The following ATRNL1 variants were observed in gnomAD, a reference collection of about 807,000 sequenced individuals.
The protein encoded by ATRNL1 is attractin like 1.
A neutral mutation model predicts 182.7 loss-of-function variants in ATRNL1; 95 were observed. The observed-to-expected ratio is 0.52, with a 90% CI of 0.44 to 0.62. ATRNL1 has a LOEUF of 0.62. Among genes scored for constraint, ATRNL1 ranks in the 20% least tolerant of loss-of-function variants. ATRNL1 has a pLI of 0.00. For missense variants in ATRNL1, 1,471 were observed against 1,679.5 expected (o/e 0.88, Z 2.17); for synonymous variants, 576 against 568.3 (o/e 1.01, Z -0.19).
chr10:115,112,471 A>G (rs1488001604), intron 1 of ATRNL1, among the ~76,000 whole-genome samples: 1 of 152,204 alleles, frequency 6.6e-6, no homozygotes, highest in East Asian at 1.9e-4. Context: ...AATTGTTATA[A>G]CAAGTCTGAA....
intron 26 of ATRNL1, among the ~76,000 whole-genome samples, chr10:115,580,442 C>A (rs1221260908): frequency 6.6e-6 from 1 of 151,986 alleles, no homozygotes; most frequent in African/African-American, 2.4e-5. Context: ...TGTAATGTTT[C>A]TACTGAAAAA....
At chr10:115,279,736 A>G (rs1465785726) in intron 13 of ATRNL1, among the ~76,000 whole-genome samples, 1 of 152,194 alleles carries the variant, frequency 6.6e-6, no homozygotes, top group African/African-American at 2.4e-5. Context: ...TCTTTATTCT[A>G]TAGTTAAATT....
chr10:115,787,034 T>G (rs1206670231), intron 27 of ATRNL1, among the ~76,000 whole-genome samples: 1 of 152,198 alleles, frequency 6.6e-6, no homozygotes, highest in Non-Finnish European at 1.5e-5. Flanking sequence ...GTTAATTACA[T>G]GCTCAAGTTG....
chr10:115,715,932 C>T (rs1947236192), intron 26 of ATRNL1, among the ~76,000 whole-genome samples: 2 of 152,162 alleles, frequency 1.3e-5, no homozygotes, highest in Non-Finnish European at 2.9e-5. Flanking sequence ...TGAGTTACTC[C>T]AATGAGCCTG....
chr10:115,894,480 ATATTTACCAGAC>A (rs1318857130), intron 28 of ATRNL1, among the ~76,000 whole-genome samples: 1 of 152,138 alleles, frequency 6.6e-6, no homozygotes, highest in African/African-American at 2.4e-5. Context: ...AGATTACAAG[ATATTTACCAGAC>A]CTCTGAAAAA....
intron 27 of ATRNL1, among the ~76,000 whole-genome samples, chr10:115,731,025 T>C (rs1366300968): frequency 6.6e-6 from 1 of 152,074 alleles, no homozygotes; most frequent in Non-Finnish European, 1.5e-5. Flanking sequence ...TATATTCTAG[T>C]CTCGCTGGCA....
chr10:115,829,607 A>C (rs1036832123), intron 27 of ATRNL1, among the ~76,000 whole-genome samples: 4 of 152,050 alleles, frequency 2.6e-5, no homozygotes, highest in Non-Finnish European at 5.9e-5. Flanking sequence ...TTCCTGAGCT[A>C]GCATATACTT....
At chr10:115,229,369 A>ACCCATT (rs1258760665) in intron 9 of ATRNL1, among the ~76,000 whole-genome samples, 3 of 152,090 alleles carry the variant, frequency 2.0e-5, no homozygotes, top group Non-Finnish European at 2.9e-5. Context: ...AATTTTATAA[A>ACCCATT]TTATGTTATT....
chr10:115,431,401 TAAAAAA>T (rs3981285), intron 21 of ATRNL1, among the ~76,000 whole-genome samples: 2 of 110,852 alleles, frequency 1.8e-5, no homozygotes, highest in African/African-American at 6.1e-5. Context: ...AGAGTGAAAC[TAAAAAA>T]AAAAAAAAAA....
At position 115,862,392 on chromosome 10, in the gene ATRNL1, G is replaced by T. The variant is rs116015650; in HGVS notation, c.4018+14401G>T. Among the ~76,000 whole-genome samples the T allele has an allele frequency of 1.9e-3, 284 of 152,128 alleles. 1 individual carries two copies. The highest frequency in any genetic ancestry group is 6.4e-3 in the African/African-American group (266 of 41,494). ...TCATCATGTTTTGTCAGCTTCTTAG[G>T]TGACTTATAGTCTTGTCACAGCACT... On this transcript the variant is annotated intron_variant, in intron 28 of 28. Transcript: ENST00000355044.
chr10:115,696,463 C>G (rs1946562388), intron 26 of ATRNL1, among the ~76,000 whole-genome samples: 1 of 152,156 alleles, frequency 6.6e-6, no homozygotes, highest in Admixed American at 6.5e-5. Flanking sequence ...GAGAGATACC[C>G]TGTCTCAAAA....
intron 25 of ATRNL1, among the ~76,000 whole-genome samples, chr10:115,537,995 T>G (rs901308747): frequency 6.6e-6 from 1 of 152,176 alleles, no homozygotes; most frequent in African/African-American, 2.4e-5. Flanking sequence ...GTCTACTGCA[T>G]TTAAGATTCA....
intron 8 of ATRNL1, among the ~76,000 whole-genome samples, chr10:115,207,779 CTTT>C (rs1848858312): frequency 2.6e-5 from 4 of 151,808 alleles, no homozygotes; most frequent in Non-Finnish European, 5.9e-5. Flanking sequence ...TGTTCTTCTG[CTTT>C]TTTGTCTTCA....
intron 19 of ATRNL1, among the ~76,000 whole-genome samples, chr10:115,360,211 G>T (rs1856676735): frequency 1.3e-5 from 2 of 151,628 alleles, no homozygotes; most frequent in Admixed American, 1.3e-4. Flanking sequence ...AAATAAAGTT[G>T]TTACACATAA....
chr10:115,937,785 A>G (rs1953605909), intron 28 of ATRNL1, among the ~76,000 whole-genome samples: 1 of 152,222 alleles, frequency 6.6e-6, no homozygotes, highest in South Asian at 2.1e-4. Context: ...TGTAGCCATT[A>G]AAGGTTTAAA....
At chr10:115,149,162 T>TA (rs545628105) in intron 5 of ATRNL1, among the ~76,000 whole-genome samples, 63 of 152,244 alleles carry the variant, frequency 4.1e-4, no homozygotes, top group Non-Finnish European at 6.9e-4. Flanking sequence ...CCTAATCTTT[T>TA]ATTACGCAGA....
intron 1 of ATRNL1, among the ~76,000 whole-genome samples, chr10:115,100,169 A>G (rs1341335982): frequency 1.3e-5 from 2 of 152,102 alleles, no homozygotes; most frequent in Non-Finnish European, 2.9e-5. Context: ...CGGTGTGCGC[A>G]TTTAGCCCAT....
intron 17 of ATRNL1, among the ~76,000 whole-genome samples, chr10:115,304,620 G>T (rs1012080504): frequency 6.6e-6 from 1 of 152,136 alleles, no homozygotes; most frequent in African/African-American, 2.4e-5. Flanking sequence ...GCTGGAGGAG[G>T]GGGTGTCTGA....
At chr10:115,504,502 T>G (rs1438951597) in intron 24 of ATRNL1, among the ~76,000 whole-genome samples, 5 of 152,058 alleles carry the variant, frequency 3.3e-5, no homozygotes, top group Non-Finnish European at 7.4e-5. Context: ...TGTTAATGTC[T>G]TATTTACTAA....
Sources: gnomAD v4.1 joint callset for allele counts (sites outside exome capture counted in the v4.1 genomes callset) on GRCh38, gnomAD v4.1.1 for gene constraint, MANE v1.5 for transcripts, NCBI Gene and HGNC (gene_info 2026-07-23, HGNC 2026-07-21) for gene names.